The following MIAT variants were observed in gnomAD, a reference collection of about 807,000 sequenced individuals.
The protein encoded by MIAT is MI related novel mRNA.
At chr22:26,667,202 CA>C (rs1206118802) in exon 5 of MIAT, 3 of 398,570 alleles carry the variant, frequency 7.5e-6, no homozygotes, top group Non-Finnish European at 1.3e-5. Context: ...ATGGACCAAG[CA>C]ACTTCTCTGA....
exon 5 of MIAT, chr22:26,667,303 G>A (rs1930879275): frequency 2.5e-6 from 1 of 398,122 alleles, no homozygotes; most frequent in Non-Finnish European, 4.4e-6. Context: ...TACAGTCTCG[G>A]CAAGGGGGTG....
At chr22:26,657,117 C>G (rs1419303533) in intron 2 of MIAT, 1 of 179,200 alleles carries the variant, frequency 5.6e-6, no homozygotes, top group Non-Finnish European at 1.2e-5. Context: ...TCCTCTTACT[C>G]CGGGGTTCAG....
chr22:26,666,459 A>G (rs1930846016), exon 4 of MIAT: 1 of 398,576 alleles, frequency 2.5e-6, no homozygotes, highest in Non-Finnish European at 4.4e-6. Flanking sequence ...ATGGGTGATT[A>G]CCGTGCACCT....
At chr22:26,663,219 G>A (rs147059153) in intron 2 of MIAT, 3 of 396,706 alleles carry the variant, frequency 7.6e-6, no homozygotes, top group African/African-American at 2.1e-5. Context: ...TTTGGGAAAC[G>A]CTGTGATTTG....
downstream of MIAT, chr22:26,672,206 T>C: frequency 2.5e-6 from 1 of 399,434 alleles, no homozygotes; most frequent in Admixed American, 4.4e-5. Context: ...CTACTAACCC[T>C]GTTTTCTCTT....
intron 3 of MIAT, among the ~76,000 whole-genome samples, chr22:26,664,836 TG>T (rs1930788145): frequency 6.6e-6 from 1 of 152,274 alleles, no homozygotes; most frequent in South Asian, 2.1e-4. Flanking sequence ...CTTATATTTC[TG>T]GAACATAAAT....
chr22:26,673,571 C>T, downstream of MIAT: 1 of 398,706 alleles, frequency 2.5e-6, no homozygotes, highest in Non-Finnish European at 4.4e-6. Flanking sequence ...TTTTTTCTGA[C>T]TAACAACAGG....
At chr22:26,661,961 TACACAC>T (rs1555948831) in intron 2 of MIAT, among the ~76,000 whole-genome samples, 4 of 44,008 alleles carry the variant, frequency 9.1e-5, no homozygotes, top group South Asian at 7.9e-4. Flanking sequence ...TATATATATA[TACACAC>T]ACACACATAT....
chr22:26,657,291 G>C, intron 2 of MIAT: 1 of 389,466 alleles, frequency 2.6e-6, no homozygotes, highest in Non-Finnish European at 4.5e-6. Flanking sequence ...TGCGGCGGGG[G>C]CTGCGGAGTG....
chr22:26,648,877 C>T (rs911136193), intron 2 of MIAT, among the ~76,000 whole-genome samples: 3 of 150,840 alleles, frequency 2.0e-5, no homozygotes, highest in African/African-American at 7.3e-5. Context: ...TCTCTAATGG[C>T]CTTGAGAGAG....
exon 4 of MIAT, chr22:26,666,927 G>T: frequency 6.4e-6 from 1 of 155,310 alleles, no homozygotes; most frequent in Middle Eastern, 3.1e-3. Context: ...GTGTCGGCTG[G>T]ATGCTGCCAG....
intron 2 of MIAT, among the ~76,000 whole-genome samples, chr22:26,661,976 A>G (rs1930693509): frequency 9.0e-6 from 1 of 111,148 alleles, no homozygotes; most frequent in Admixed American, 8.7e-5. Flanking sequence ...ACACACACAT[A>G]TACATGGATC....
chr22:26,668,724 G>A (rs1389468967), exon 6 of MIAT: 4 of 399,178 alleles, frequency 1.0e-5, no homozygotes, highest in Admixed American at 8.8e-5. Flanking sequence ...TGCTCAGTGC[G>A]TAATTGTCAT....
exon 5 of MIAT, chr22:26,675,677 C>T (rs1819652576): frequency 2.5e-6 from 1 of 398,618 alleles, no homozygotes; most frequent in Non-Finnish European, 4.4e-6. Flanking sequence ...AACATGTCAT[C>T]CCATGGTGGT....
exon 5 of MIAT, chr22:26,675,925 G>A (rs1182391044): frequency 7.5e-6 from 3 of 398,628 alleles, no homozygotes; most frequent in East Asian, 3.6e-5. Context: ...AGAGATTGGC[G>A]ATGGTTGTGA....
downstream of MIAT, chr22:26,670,399 C>T (rs557605281): frequency 1.6e-4 from 64 of 398,188 alleles, no homozygotes; most frequent in African/African-American, 1.2e-3. Context: ...TGGGACAGTG[C>T]CACAAAACAG....
chr22:26,658,369 G>T (rs1252772068), intron 2 of MIAT: 1 of 152,218 alleles, frequency 6.6e-6, no homozygotes, highest in African/African-American at 2.4e-5. Context: ...TAAAGATGAA[G>T]AAATGGAGAT....
At chr22:26,669,488 T>C (rs913084859) in exon 6 of MIAT, 4 of 398,500 alleles carry the variant, frequency 1.0e-5, no homozygotes, top group African/African-American at 8.2e-5. Flanking sequence ...CTCCTCCTCT[T>C]CTTATAAAGA....
chr22:26,670,386 G>C (rs1349179970), downstream of MIAT: 2 of 398,248 alleles, frequency 5.0e-6, no homozygotes, highest in African/African-American at 2.1e-5. Flanking sequence ...GAGAATCAGA[G>C]AATGGGACAG....
Sources: gnomAD v4.1 joint callset for allele counts (sites outside exome capture counted in the v4.1 genomes callset) on GRCh38, gnomAD v4.1.1 for gene constraint, MANE v1.5 for transcripts, NCBI Gene and HGNC (gene_info 2026-07-23, HGNC 2026-07-21) for gene names.